ILDR2: variants seen among roughly 807,000 people sequenced by gnomAD.
ILDR2 encodes the protein immunoglobulin-like domain-containing receptor 2.
ILDR2 carries 25 observed loss-of-function variants against 66.8 expected under a neutral mutation model. The ratio of observed to expected loss-of-function variants is 0.37; its 90% CI spans 0.27 to 0.52. The LOEUF (loss-of-function observed/expected upper bound fraction) is 0.52. ILDR2 is among the 20% of genes least tolerant of loss of function. ILDR2 has a pLI of 0.88. For missense variants in ILDR2, 827 were observed against 876.8 expected, an observed-to-expected ratio of 0.94 and a Z score of 0.72; for synonymous variants, 367 against 357.2, an observed-to-expected ratio of 1.03 and a Z score of -0.31.
chr1:166,927,115 C>T lies in ILDR2; in HGVS notation c.946G>A (p.Glu316Lys). The change falls in exon 7 of 10, where the codon GAG becomes AAG. Residue 316 changes from glutamate to lysine, a missense_variant. Physicochemically the swap from Glu to Lys is moderately conservative, Grantham distance 56. Coordinates refer to ENST00000271417, the MANE Select transcript of ILDR2 (RefSeq NM_199351.3). Reference protein sequence around the residue: ...RDSMKVLYYVEKELAQFDPAR... With the variant: ...RDSMKVLYYVKKELAQFDPAR... ...GGATCAAACTGAGCCAGCTCCTTCT[C>T]AACATAGTACAGGACCTTCATGGAG... 2 of 1,613,556 alleles carry T rather than the reference C, an allele frequency of 1.2e-6. No homozygotes were observed. Among genetic ancestry groups the T allele is most frequent in the Non-Finnish European group, 1.7e-6 (2 of 1,179,760 alleles).
rs1267597742 is a variant in ILDR2, at chr1:166,918,705, G to C, written c.*650C>G. On this transcript the variant is annotated 3_prime_UTR_variant, in exon 10 of 10. Coordinates refer to ENST00000271417, the MANE Select transcript of ILDR2 (RefSeq NM_199351.3). ...ACCACTTAGACAGCTTTTCAAAAAG[G>C]TATACTCGCTTTTGCTTTGTCCTAG... 1 of 152,600 alleles carries C rather than the reference G, an allele frequency of 6.6e-6. No individual in the cohort carries two copies. Among genetic ancestry groups the C allele is most frequent in the African/African-American group, 2.4e-5 (1 of 41,452 alleles). The allele number at this position is 152,600 out of a possible 1,614,324, so 9.5% of individuals were successfully genotyped here. A position where few individuals can be genotyped will look rare whatever the true frequency, so the allele number is the denominator to read the frequency against.
rs1238542957 is a variant in ILDR2, at chr1:166,968,612, G to A, written c.46+6611C>T. Among the ~76,000 whole-genome samples the A allele has an allele frequency of 3.3e-5, 5 of 152,272 alleles. No homozygotes were observed. The Middle Eastern group carries it at 0.01, about 311-fold the overall frequency. On this transcript the variant is annotated intron_variant, in intron 1 of 9. Coordinates refer to ENST00000271417, the MANE Select transcript of ILDR2 (RefSeq NM_199351.3). ...CCTTGCATTGGTCCCTGTAGGCAGAGTATACTTACCCCGTAGACTTAAGCT... is the reference window on the plus strand; with the variant it reads ...CCTTGCATTGGTCCCTGTAGGCAGAATATACTTACCCCGTAGACTTAAGCT...
chr1:166,914,314 G>A lies in ILDR2; in HGVS notation c.*5041C>T, dbSNP rs1199497932. ...GGCTCTTCTCACCAGATGTCTGGCT[G>A]TGAAGAGAAACTGGAATCTGGAATA... On this transcript the variant is annotated 3_prime_UTR_variant, in exon 10 of 10. Transcript: ENST00000271417. 2.0e-5 allele frequency: 3 copies of A among 152,098 alleles called. No individual in the cohort carries two copies. Among genetic ancestry groups the A allele is most frequent in the Non-Finnish European group, 4.4e-5 (3 of 68,022 alleles). The allele number at this position is 152,098 out of a possible 1,614,324, so 9.4% of individuals were successfully genotyped here.
At chr1:166,973,618 C>T (rs868116313) in intron 1 of ILDR2, among the ~76,000 whole-genome samples, 2 of 112,476 alleles carry the variant, frequency 1.8e-5, no homozygotes, top group Non-Finnish European at 3.7e-5. Flanking sequence ...CCCCTCCCCC[C>T]CCCCCCCGAT....
intron 1 of ILDR2, among the ~76,000 whole-genome samples, chr1:166,963,318 A>T (rs1662735529): frequency 6.6e-6 from 1 of 152,242 alleles, no homozygotes; most frequent in Non-Finnish European, 1.5e-5. Context: ...ATCCTAATGA[A>T]TTCTCTCAAA....
chr1:166,924,571 G>A (rs1051325944), intron 7 of ILDR2, among the ~76,000 whole-genome samples: 2 of 152,150 alleles, frequency 1.3e-5, no homozygotes, highest in East Asian at 1.9e-4. Flanking sequence ...AGCAAACTTC[G>A]TTTTGTAAAG....
At chr1:166,943,794 A>T (rs1356290802) in intron 3 of ILDR2, 3 of 982,954 alleles carry the variant, frequency 3.1e-6, no homozygotes, top group Non-Finnish European at 3.6e-6. Flanking sequence ...AATCGCTGTC[A>T]TTCTTCCAGG....
Position 166,915,446 on chromosome 1 carries a change from C to A in ILDR2, c.*3909G>T, listed in dbSNP as rs958644540. On this transcript the variant is annotated 3_prime_UTR_variant, in exon 10 of 10. Coordinates refer to ENST00000271417, the MANE Select transcript of ILDR2 (RefSeq NM_199351.3). The stretch of plus-strand genomic sequence containing the variant: ...GGAATGCATATTAAAAATATGAATT[C>A]TGGCTCTAGACCCACCCAATCAATC... The A allele has an allele frequency of 1.3e-5, 2 of 152,198 alleles. No homozygotes were observed. Among genetic ancestry groups the A allele is most frequent in the African/African-American group, 4.8e-5 (2 of 41,446 alleles). 9.4% of individuals were successfully genotyped at this position (152,198 alleles called of 1,614,324 possible).
intron 1 of ILDR2, among the ~76,000 whole-genome samples, chr1:166,973,826 T>G (rs774849682): frequency 5.3e-5 from 8 of 152,046 alleles, no homozygotes; most frequent in Non-Finnish European, 8.8e-5. Context: ...ATCTGAATAA[T>G]GTGGGAGGGA....
rs1320757490 is a variant in ILDR2 at position 166,935,435 on chromosome 1, G to C, written c.746C>G (p.Ser249Cys). Residue 249 changes from serine to cysteine, a missense_variant, in exon 6 of 10, where the codon TCT becomes TGT. By Grantham distance (112) the Ser-to-Cys change is moderately radical. Coordinates refer to ENST00000271417, the MANE Select transcript of ILDR2 (RefSeq NM_199351.3). ...GKAAKAGYPPSVSGVPGPYSI... is the reference protein window; with the variant it reads ...GKAAKAGYPPCVSGVPGPYSI... ...GTAAGGGCCGGGGACACCGGAGACA[G>C]AGGGAGGGTACCCGGCCTTTGCTGC... 3.1e-6 allele frequency: 5 copies of C among 1,611,860 alleles called. No homozygotes were observed. The highest frequency in any genetic ancestry group is 4.2e-6 in the Non-Finnish European group (5 of 1,178,942).
Position 166,921,444 on chromosome 1 carries a change from A to G in ILDR2, c.1212-65T>C. 7.3e-7 allele frequency: 1 copy of G among 1,365,606 alleles called. No homozygotes were observed. The highest frequency in any genetic ancestry group is 9.9e-7 in the Non-Finnish European group (1 of 1,014,108). The allele number at this position is 1,365,606 out of a possible 1,614,324, so 84.6% of individuals were successfully genotyped here. A position where few individuals can be genotyped will look rare whatever the true frequency, so the allele number is the denominator to read the frequency against. ...CCCTGGAGCTCCAGGTAGGGCTCCC[A>G]AGAGCACCCATCGTGTCCTGGGGCC... is the stretch of plus-strand genomic sequence containing the variant. On this transcript the variant is annotated intron_variant, in intron 8 of 9. Transcript: ENST00000271417. The surrounding 1 kb of genome is among the most constrained non-coding windows in gnomAD (Gnocchi z 5.3).
intron 7 of ILDR2, among the ~76,000 whole-genome samples, chr1:166,923,174 G>T (rs1248132245): frequency 6.6e-6 from 1 of 152,156 alleles, no homozygotes. Flanking sequence ...TTATAATTCT[G>T]TGATGAGCTG....
intron 6 of ILDR2, chr1:166,933,519 A>C: frequency 1.0e-6 from 1 of 978,124 alleles, no homozygotes; most frequent in Middle Eastern, 5.2e-4. Flanking sequence ...TTTTAATGCC[A>C]CTTCTAGTTA....
rs1012426066 is a variant in ILDR2, at chr1:166,918,354, G to A, written c.*1001C>T. On this transcript the variant is annotated 3_prime_UTR_variant, in exon 10 of 10. Coordinates refer to ENST00000271417, the MANE Select transcript of ILDR2 (RefSeq NM_199351.3). ...CCGGAAAAGACTGAGTGAAGTTTGTGGGTGAAATGGTCCACATTCAAAATA... is the reference window on the plus strand; with the variant it reads ...CCGGAAAAGACTGAGTGAAGTTTGTAGGTGAAATGGTCCACATTCAAAATA... 6.6e-6 allele frequency: 1 copy of A among 152,172 alleles called. No individual in the cohort carries two copies. The highest frequency in any genetic ancestry group is 6.5e-5 in the Admixed American group (1 of 15,278). 9.4% of individuals were successfully genotyped at this position (152,172 alleles called of 1,614,324 possible).
intron 5 of ILDR2, 91 bp from the exon 6 acceptor site, chr1:166,935,568 G>A: frequency 8.6e-7 from 1 of 1,157,442 alleles, no homozygotes; most frequent in Non-Finnish European, 1.2e-6. Flanking sequence ...ACTTCAGGGA[G>A]CTCCTGGATG....
intron 3 of ILDR2, among the ~76,000 whole-genome samples, chr1:166,944,856 G>A (rs923138463): frequency 6.6e-6 from 1 of 152,106 alleles, no homozygotes; most frequent in African/African-American, 2.4e-5. Context: ...TCTCGTGGCT[G>A]CAATGTGCCT....
At chr1:166,953,184 G>A (rs1365989317) in intron 3 of ILDR2, among the ~76,000 whole-genome samples, 1 of 152,114 alleles carries the variant, frequency 6.6e-6, no homozygotes, top group African/African-American at 2.4e-5. Flanking sequence ...GGCTAAGCAG[G>A]GGACAACTGA....
At chr1:166,974,860 C>G (rs572300931) in intron 1 of ILDR2, among the ~76,000 whole-genome samples, 1 of 152,318 alleles carries the variant, frequency 6.6e-6, no homozygotes, top group South Asian at 2.1e-4. Context: ...AGGCTTTTCA[C>G]AAGACTCACA....
At chr1:166,961,467 A>T (rs929768540) in intron 1 of ILDR2, among the ~76,000 whole-genome samples, 1 of 152,222 alleles carries the variant, frequency 6.6e-6, no homozygotes, top group South Asian at 2.1e-4. Flanking sequence ...TCTCAGAAAC[A>T]TCTGCCTTTT....
Sources: allele counts gnomAD v4.1 joint callset (sites outside exome capture counted in the v4.1 genomes callset), GRCh38; gene constraint gnomAD v4.1.1; non-coding constraint Gnocchi (gnomAD v3.1); transcripts MANE v1.5; gene names NCBI Gene and HGNC (gene_info 2026-07-23, HGNC 2026-07-21).